Variants in SLIT3 observed in about 807,000 individuals in gnomAD.
SLIT3 encodes the protein slit guidance ligand 3.
Under a neutral mutation model 184.0 loss-of-function variants are expected in SLIT3, and 68 were observed. The ratio of observed to expected loss-of-function variants is 0.37; its 90% CI spans 0.30 to 0.45. SLIT3 has a LOEUF of 0.45. SLIT3 is among the 20% of genes least tolerant of loss of function. SLIT3 has a pLI of 1.00. For missense variants in SLIT3, 1,707 were observed against 2,026.0 expected, an observed-to-expected ratio of 0.84 and a Z score of 3.02; for synonymous variants, 831 against 828.6, an observed-to-expected ratio of 1.00 and a Z score of -0.05.
At chr5:168,823,115 C>T (rs1375832938) in intron 7 of SLIT3, 145 bp downstream of exon 7, 3 of 748,152 alleles carry the variant, frequency 4.0e-6, no homozygotes, top group Non-Finnish European at 7.2e-6. Context: ...CAAGGCACCC[C>T]TTGGTTAATA....
rs1176040637 is a variant in SLIT3, at chr5:168,982,671, T to C, written c.414-99335A>G. On this transcript the variant is annotated intron_variant, in intron 4 of 35. Coordinates refer to ENST00000519560, the MANE Select transcript of SLIT3 (RefSeq NM_003062.4). The stretch of plus-strand genomic sequence containing the variant: ...ATAATTGGAGAAGCACTAAGTAGGT[T>C]TGGGCCTGTGACTCATGGGCTTAGT... Among the ~76,000 whole-genome samples, 11 of 152,314 alleles carry C rather than the reference T, an allele frequency of 7.2e-5. No homozygotes were observed. In the East Asian group the frequency reaches 1.9e-3, roughly 27 times the overall value.
intron 5 of SLIT3, among the ~76,000 whole-genome samples, chr5:168,845,574 T>C (rs185303086): frequency 1.3e-5 from 2 of 152,310 alleles, no homozygotes; most frequent in East Asian, 3.9e-4. Context: ...ATATACATTC[T>C]AGTTGGAGAC....
At chr5:168,712,247 T>A (rs760443979) in intron 24 of SLIT3, 36 bp downstream of exon 24, 2 of 1,578,574 alleles carry the variant, frequency 1.3e-6, no homozygotes, top group South Asian at 2.2e-5. Context: ...GCTTTCATGT[T>A]TTGAATGTTC....
chr5:168,727,078 G>A (rs905733133), intron 20 of SLIT3, among the ~76,000 whole-genome samples: 1 of 151,642 alleles, frequency 6.6e-6, no homozygotes, highest in African/African-American at 2.4e-5. Flanking sequence ...CCAGCACTTT[G>A]GAAGGCTGAG....
Position 168,692,720 on chromosome 5 carries a change from T to C in SLIT3, c.3083-20A>G, listed in dbSNP as rs372109562. On this transcript the variant is annotated intron_variant, in intron 28 of 35. Transcript: ENST00000519560. ...GCTCACCTGGCACAGATGGGGGAGA[T>C]AGCTCAGGCCTCAGGCAGGGTAGGG... is the stretch of plus-strand genomic sequence containing the variant. The C allele has an allele frequency of 7.5e-5, 120 of 1,591,928 alleles. No homozygotes were observed. The highest frequency in any genetic ancestry group is 6.3e-4 in the African/African-American group (47 of 74,582).
At chr5:169,235,592 G>T (rs914179146) in intron 3 of SLIT3, among the ~76,000 whole-genome samples, 4 of 152,216 alleles carry the variant, frequency 2.6e-5, no homozygotes, top group Admixed American at 2.0e-4. Flanking sequence ...TTTACTTTCT[G>T]TGTTTATTTC....
Position 169,171,287 on chromosome 5 carries a change from C to T in SLIT3, c.413+22192G>A, listed in dbSNP as rs562171314. Among the ~76,000 whole-genome samples the T allele has an allele frequency of 2.6e-5, 4 of 152,276 alleles. No homozygotes were observed. In the East Asian group the frequency reaches 7.7e-4, roughly 29 times the overall value. On this transcript the variant is annotated intron_variant, in intron 4 of 35. Coordinates refer to ENST00000519560, the MANE Select transcript of SLIT3 (RefSeq NM_003062.4). ...TTGCAATGACTTTCCAGTTTAGAAC[C>T]CTCACTCTTAAGAACCATATGGCAC...
At chr5:168,965,970 A>G (rs146862961) in intron 4 of SLIT3, among the ~76,000 whole-genome samples, 2 of 152,316 alleles carry the variant, frequency 1.3e-5, no homozygotes, top group Non-Finnish European at 2.9e-5. Context: ...ACAAGGAAAA[A>G]TAAGCAACAG....
chr5:168,777,464 A>C (rs962189929), intron 12 of SLIT3, among the ~76,000 whole-genome samples: 4 of 152,236 alleles, frequency 2.6e-5, no homozygotes, highest in Admixed American at 6.5e-5. Context: ...CCACGCTGGC[A>C]ATCCTTCTCA....
intron 32 of SLIT3, among the ~76,000 whole-genome samples, chr5:168,683,415 G>A (rs1245140347): frequency 6.6e-6 from 1 of 151,308 alleles, no homozygotes. Context: ...GAAAGTTGCT[G>A]TAAGGCAGCA....
chr5:169,041,929 G>A (rs1276628489), intron 4 of SLIT3, among the ~76,000 whole-genome samples: 1 of 152,112 alleles, frequency 6.6e-6, no homozygotes, highest in Non-Finnish European at 1.5e-5. Context: ...ATCCCTTCCT[G>A]GAAATGAATA....
chr5:168,975,259 C>T (rs922025634), intron 4 of SLIT3, among the ~76,000 whole-genome samples: 3 of 152,150 alleles, frequency 2.0e-5, no homozygotes, highest in Non-Finnish European at 4.4e-5. Context: ...CTGCAGCCAC[C>T]GGGCTCTCCA....
At chr5:168,952,590 CAG>C (rs1400421196) in intron 4 of SLIT3, among the ~76,000 whole-genome samples, 3 of 98,726 alleles carry the variant, frequency 3.0e-5, no homozygotes, top group Non-Finnish European at 5.7e-5. Context: ...AAAAAAAAGA[CAG>C]AGAGGGAGAG....
At chr5:168,946,084 T>C (rs1762474293) in intron 4 of SLIT3, among the ~76,000 whole-genome samples, 1 of 152,236 alleles carries the variant, frequency 6.6e-6, no homozygotes, top group African/African-American at 2.4e-5. Context: ...ATGTAGGTGG[T>C]AGCAGTGAGG....
At chr5:169,023,870 C>T (rs748224559) in intron 4 of SLIT3, 20 of 152,046 alleles carry the variant, frequency 1.3e-4, no homozygotes, top group Non-Finnish European at 2.2e-4. Flanking sequence ...ATGCATCTTT[C>T]GAAAGGAATG....
chr5:169,218,908 C>T (rs1240018424), intron 3 of SLIT3, among the ~76,000 whole-genome samples: 3 of 152,222 alleles, frequency 2.0e-5, no homozygotes, highest in East Asian at 3.8e-4. Flanking sequence ...AACCCAGCCA[C>T]GGTCTCCAGC....
At chr5:168,895,692 C>T (rs932616374) in intron 4 of SLIT3, among the ~76,000 whole-genome samples, 21 of 152,278 alleles carry the variant, frequency 1.4e-4, no homozygotes, top group South Asian at 4.2e-4. Flanking sequence ...ATTTATTGTT[C>T]CATTCAAAGC....
intron 4 of SLIT3, among the ~76,000 whole-genome samples, chr5:169,103,040 A>T (rs1023054513): frequency 6.6e-5 from 10 of 152,190 alleles, no homozygotes; most frequent in Admixed American, 6.5e-4. Context: ...TCATGGTGAC[A>T]TTTTTTGAGT....
At chr5:168,743,933 A>G (rs1175623232) in intron 20 of SLIT3, among the ~76,000 whole-genome samples, 1 of 152,218 alleles carries the variant, frequency 6.6e-6, no homozygotes, top group East Asian at 1.9e-4. Context: ...GTGAAGGCTG[A>G]CAGAGGTGAG....
Sources: allele counts gnomAD v4.1 joint callset (sites outside exome capture counted in the v4.1 genomes callset), GRCh38; gene constraint gnomAD v4.1.1; transcripts MANE v1.5; gene names NCBI Gene and HGNC (gene_info 2026-07-23, HGNC 2026-07-21).